Variants in RASA2 observed in about 807,000 individuals in gnomAD.
RASA2 encodes the protein RAS p21 protein activator 2, also known as ras GTPase-activating protein 2.
In RASA2, 155 loss-of-function variants were observed where a neutral mutation model predicts 118.2. The observed-to-expected ratio is 1.31, with a 90% confidence interval of 1.15 to 1.50. RASA2 has a LOEUF of 1.50. RASA2 is among the 40% of genes most tolerant of loss of function. The probability of loss-of-function intolerance (pLI) is 0.00; values close to 1 mark genes in which losing one functional copy is unlikely to be tolerated. For synonymous variants in RASA2, 353 were observed against 349.1 expected (o/e 1.01, Z -0.12); for missense variants, 1,016 against 1,009.6 (o/e 1.01, Z -0.09).
In RASA2 at chr3:141,573,160, C is replaced by T. The variant is rs762605617; in HGVS notation, c.1298C>T (p.Ser433Leu). 1 of 1,548,140 alleles carries T rather than the reference C, an allele frequency of 6.5e-7. No homozygotes were observed. The highest frequency in any genetic ancestry group is 8.6e-7 in the Non-Finnish European group (1 of 1,156,394). ...KPILDEICDS[S>L]KSCEIDPIKL... ...TTTATTTTTCAGATATGTGACTCCT[C>T]AAAATCCTGTGAAATCGATCCTATT... is the stretch of plus-strand genomic sequence containing the variant. The change falls in exon 13 of 24, where the codon TCA becomes TTA. Residue 433 changes from serine (S) to leucine (L), a missense_variant. By Grantham distance (145) the Ser-to-Leu change is moderately radical. This residue lies in a region of RASA2 where 896 missense variants were observed against 836.4 expected (regional missense o/e 1.07). Transcript: ENST00000286364.
intron 5 of RASA2, among the ~76,000 whole-genome samples, chr3:141,541,812 G>GT (rs796954258): frequency 0.027 from 3,789 of 140,248 alleles, 41 homozygotes; most frequent in Middle Eastern, 0.045. Context: ...ATATAAACCA[G>GT]TTTTTTTTTT....
intron 19 of RASA2, among the ~76,000 whole-genome samples, chr3:141,596,863 CT>C (rs1438372444): frequency 1.3e-5 from 2 of 152,150 alleles, no homozygotes; most frequent in African/African-American, 2.4e-5. Context: ...AAAATAGGGG[CT>C]TTGACAGTCA....
chr3:141,490,048 A>T (rs2081621977), intron 1 of RASA2, among the ~76,000 whole-genome samples: 1 of 151,408 alleles, frequency 6.6e-6, no homozygotes, highest in East Asian at 1.9e-4. Context: ...ATATGCGCTC[A>T]AACGAACCCA....
At chr3:141,589,561 G>A (rs1352540699) in intron 19 of RASA2, among the ~76,000 whole-genome samples, 3 of 152,082 alleles carry the variant, frequency 2.0e-5, no homozygotes, top group Admixed American at 6.5e-5. Context: ...CCTCTGTTCT[G>A]GCCGGGCGCG....
chr3:141,553,871 A>C lies in RASA2; in HGVS notation c.542A>C (p.His181Pro). 6.2e-7 allele frequency: 1 copy of C among 1,612,288 alleles called. No individual in the cohort carries two copies. The highest frequency in any genetic ancestry group is 8.5e-7 in the Non-Finnish European group (1 of 1,178,984). Reference sequence around the variant, plus strand: ...TTCTACCTTAGCATCAAGGCATGCCATGGGTTGCCTCTCATAAATGGCCAA... The same window carrying C: ...TTCTACCTTAGCATCAAGGCATGCCCTGGGTTGCCTCTCATAAATGGCCAA... ...QQLVVHIKAC[H>P]GLPLINGQSC... The change falls in exon 6 of 24, where the codon CAT becomes CCT. Residue 181 changes from histidine to proline, a missense_variant. His to Pro is a moderately conservative substitution (Grantham distance 77, BLOSUM62 -2). Transcript: ENST00000286364.
rs780320106 is a variant in RASA2, at chr3:141,586,648, A to G, written c.1829A>G (p.Glu610Gly). ...GTTTACATCTGTTATGTTGGCAGTG[A>G]GATGTATAAAAGAGCTCAAGGAAGA... Reference protein sequence around the residue: ...TSEPVHLKEGEMYKRAQGRTR... With the variant: ...TSEPVHLKEGGMYKRAQGRTR... Residue 610 changes from glutamate (E) to glycine (G), a missense_variant and splice_region_variant, in exon 19 of 24, where the codon GAG becomes GGG. Glu to Gly is a moderately conservative substitution (Grantham distance 98, BLOSUM62 -2). Transcript: ENST00000286364. 6.3e-7 allele frequency: 1 copy of G among 1,595,978 alleles called. No homozygotes were observed. The highest frequency in any genetic ancestry group is 1.7e-5 in the Admixed American group (1 of 59,576).
chr3:141,537,174 C>CT (rs977624578), intron 4 of RASA2, among the ~76,000 whole-genome samples: 12 of 151,308 alleles, frequency 7.9e-5, no homozygotes, highest in African/African-American at 2.7e-4. Flanking sequence ...ATCTTATCTC[C>CT]TTTTTTTTTC....
At chr3:141,564,210 T>C (rs2082782238) in intron 9 of RASA2, among the ~76,000 whole-genome samples, 1 of 152,150 alleles carries the variant, frequency 6.6e-6, no homozygotes, top group African/African-American at 2.4e-5. Context: ...TTTTCAGTTA[T>C]ATGAGAGTAA....
At position 141,609,439 on chromosome 3, in the gene RASA2, C is replaced by A. The variant is rs867776334; in HGVS notation, c.2245C>A (p.Gln749Lys). The A allele has an allele frequency of 6.3e-7, 1 of 1,594,176 alleles. No homozygotes were observed. The highest frequency in any genetic ancestry group is 8.6e-7 in the Non-Finnish European group (1 of 1,166,780). ...CCATAGAGGTGTCCCTGCAGACATCCAAATAGATATTGATGAAGACAGAGA... is the reference window on the plus strand; with the variant it reads ...CCATAGAGGTGTCCCTGCAGACATCAAAATAGATATTGATGAAGACAGAGA... The part of the protein sequence containing the change: ...PCTAGVPADI[Q>K]IDIDEDRETE... The change falls in exon 22 of 24, where the codon CAA (glutamine) becomes AAA (lysine). Residue 749 changes from glutamine to lysine, a missense_variant. This residue lies in a region of RASA2 where 120 missense variants were observed against 173.2 expected (regional missense o/e 0.69). Coordinates refer to ENST00000286364, the MANE Select transcript of RASA2 (RefSeq NM_006506.5).
intron 1 of RASA2, among the ~76,000 whole-genome samples, chr3:141,505,996 A>G (rs2081861023): frequency 1.3e-5 from 2 of 152,248 alleles, no homozygotes; most frequent in African/African-American, 4.8e-5. Context: ...TACTTGCAGT[A>G]CATTTGTGAA....
intron 1 of RASA2, among the ~76,000 whole-genome samples, chr3:141,503,024 A>AT (rs1241134985): frequency 5.9e-5 from 9 of 151,778 alleles, no homozygotes; most frequent in Non-Finnish European, 1.0e-4. Flanking sequence ...ATGTAACTGA[A>AT]TTTTTTTTTC....
At chr3:141,537,614 C>G (rs140553519) in intron 4 of RASA2, among the ~76,000 whole-genome samples, 523 of 152,138 alleles carry the variant, frequency 3.4e-3, no homozygotes, top group Middle Eastern at 0.02. Flanking sequence ...ACTAAAAATA[C>G]AAAAATTAGC....
At chr3:141,579,414 CT>C (rs1195186055) in intron 15 of RASA2, 2 of 152,108 alleles carry the variant, frequency 1.3e-5, no homozygotes, top group Non-Finnish European at 2.9e-5. Context: ...ATTTTATATG[CT>C]ACTATATATT....
intron 5 of RASA2, among the ~76,000 whole-genome samples, chr3:141,541,065 T>C (rs1032199716): frequency 1.3e-5 from 2 of 152,150 alleles, no homozygotes; most frequent in African/African-American, 4.8e-5. Context: ...ACCCAGACTC[T>C]AATCTCCTGG....
chr3:141,570,715 G>A (rs2082904319), intron 9 of RASA2, among the ~76,000 whole-genome samples, 197 bp from the exon 10 acceptor site: 2 of 152,140 alleles, frequency 1.3e-5, no homozygotes, highest in South Asian at 4.1e-4. Flanking sequence ...GGATAAAAAT[G>A]TGTTTATAGC....
At chr3:141,497,812 C>T (rs1017337854) in intron 1 of RASA2, among the ~76,000 whole-genome samples, 5 of 150,208 alleles carry the variant, frequency 3.3e-5, no homozygotes, top group African/African-American at 9.8e-5. Context: ...GTTGAGGCTG[C>T]GGTGAGCTGA....
At chr3:141,527,207 G>A (rs1445964134) in intron 3 of RASA2, among the ~76,000 whole-genome samples, 1 of 152,092 alleles carries the variant, frequency 6.6e-6, no homozygotes, top group East Asian at 1.9e-4. Flanking sequence ...TTTGGGACTT[G>A]TTTTAGTGGT....
At chr3:141,489,149 TTCTA>T (rs1165285403) in intron 1 of RASA2, among the ~76,000 whole-genome samples, 39 of 152,250 alleles carry the variant, frequency 2.6e-4, no homozygotes, top group African/African-American at 8.0e-4. Context: ...AGTTGAAGTA[TTCTA>T]TCTGTTATCC....
chr3:141,508,951 C>T (rs1170121967), intron 1 of RASA2, among the ~76,000 whole-genome samples: 3 of 152,004 alleles, frequency 2.0e-5, no homozygotes, highest in Admixed American at 2.0e-4. Context: ...TTTTGTGTAG[C>T]TTGATGTAAA....
Sources: gnomAD v4.1 joint callset for allele counts (sites outside exome capture counted in the v4.1 genomes callset) on GRCh38, gnomAD v4.1.1 for gene constraint, gnomAD v4.1.1 regional missense constraint, MANE v1.5 for transcripts, NCBI Gene and HGNC (gene_info 2026-07-23, HGNC 2026-07-21) for gene names.